The following GLIS3 variants were observed in gnomAD, a reference collection of about 807,000 sequenced individuals.
GLIS3 encodes the protein zinc finger protein GLIS3.
Under a neutral mutation model 78.6 loss-of-function variants are expected in GLIS3, and 53 were observed. The observed-to-expected ratio is 0.67, with a 90% CI of 0.54 to 0.85. The LOEUF (loss-of-function observed/expected upper bound fraction) is 0.85, where lower values mean the gene tolerates loss of function less well. Among genes scored for constraint, GLIS3 ranks in the 40% least tolerant of loss-of-function variants. The probability of loss-of-function intolerance (pLI) is 0.00; values close to 1 mark genes in which losing one functional copy is unlikely to be tolerated. For synonymous variants in GLIS3, 684 were observed against 509.9 expected (o/e 1.34, Z -4.60); for missense variants, 1,703 against 1,231.1 (o/e 1.38, Z -5.74).
intron 4 of GLIS3, among the ~76,000 whole-genome samples, chr9:3,974,300 C>T (rs553791663): frequency 2.6e-5 from 4 of 152,206 alleles, no homozygotes; most frequent in African/African-American, 9.6e-5. Flanking sequence ...TAGTTTTACC[C>T]TTTTCCTTCT....
chr9:4,058,569 A>T (rs779463510), intron 4 of GLIS3, among the ~76,000 whole-genome samples: 1 of 152,138 alleles, frequency 6.6e-6, no homozygotes, highest in Non-Finnish European at 1.5e-5. Context: ...CCTGCCTAAT[A>T]ATTCCAAAAT....
chr9:4,401,718 A>G, the GLIS3 span, among the ~76,000 whole-genome samples: 5 of 151,784 alleles, frequency 3.3e-5, no homozygotes, highest in African/African-American at 1.2e-4. Flanking sequence ...CAGCCTCCCA[A>G]GTAGCTGGGA....
chr9:4,157,805 C>T (rs1319811003), intron 2 of GLIS3, among the ~76,000 whole-genome samples: 2 of 152,210 alleles, frequency 1.3e-5, no homozygotes, highest in African/African-American at 4.8e-5. Flanking sequence ...ACACAGTCCA[C>T]ATCACGTATG....
At chr9:4,230,670 T>C (rs913463200) in intron 2 of GLIS3, among the ~76,000 whole-genome samples, 3 of 152,204 alleles carry the variant, frequency 2.0e-5, no homozygotes, top group Admixed American at 6.5e-5. Context: ...TACCTAATTA[T>C]GGACTGCGCA....
intron 8 of GLIS3, among the ~76,000 whole-genome samples, chr9:3,868,732 A>G (rs1686043941): frequency 6.6e-6 from 1 of 152,166 alleles, no homozygotes; most frequent in Admixed American, 6.5e-5. Context: ...TTAAAGCCCA[A>G]ACCCCTAAAT....
At chr9:4,487,082 C>T in the GLIS3 span, among the ~76,000 whole-genome samples, 5 of 152,248 alleles carry the variant, frequency 3.3e-5, no homozygotes, top group African/African-American at 9.6e-5. Context: ...TTGTCATATT[C>T]TCCACCTACT....
At chr9:4,170,962 T>C (rs941632263) in intron 2 of GLIS3, among the ~76,000 whole-genome samples, 4 of 152,170 alleles carry the variant, frequency 2.6e-5, no homozygotes, top group African/African-American at 9.7e-5. Context: ...TAAAAAATCA[T>C]ATACTTAGAA....
At chr9:4,100,029 C>G (rs981819687) in intron 4 of GLIS3, among the ~76,000 whole-genome samples, 9 of 152,202 alleles carry the variant, frequency 5.9e-5, no homozygotes, top group Admixed American at 4.6e-4. Flanking sequence ...GCCTCCCATA[C>G]TGGATTTTGT....
At chr9:4,284,345 C>G (rs1433189318) in intron 2 of GLIS3, among the ~76,000 whole-genome samples, 1 of 152,114 alleles carries the variant, frequency 6.6e-6, no homozygotes, top group African/African-American at 2.4e-5. Flanking sequence ...ATTGCAAACA[C>G]AAGTACATAT....
the GLIS3 span, among the ~76,000 whole-genome samples, chr9:4,369,230 C>T: frequency 6.6e-6 from 1 of 152,046 alleles, no homozygotes. Context: ...CTAGATCTTC[C>T]GAAGAAGTGT....
At chr9:4,156,454 A>G (rs1835047647) in intron 2 of GLIS3, among the ~76,000 whole-genome samples, 1 of 152,222 alleles carries the variant, frequency 6.6e-6, no homozygotes, top group Non-Finnish European at 1.5e-5. Flanking sequence ...TGCCAGCTGT[A>G]TAACAATTCC....
At chr9:4,023,501 G>A (rs184936833) in intron 4 of GLIS3, among the ~76,000 whole-genome samples, 9 of 152,270 alleles carry the variant, frequency 5.9e-5, no homozygotes, top group East Asian at 5.8e-4. Flanking sequence ...AACTCCAGAC[G>A]GTGGGTGAAA....
At chr9:4,470,718 A>G in the GLIS3 span, among the ~76,000 whole-genome samples, 8 of 151,550 alleles carry the variant, frequency 5.3e-5, no homozygotes, top group Admixed American at 2.0e-4. Context: ...CTCTCTCACC[A>G]CTCCTATTCA....
chr9:4,209,912 C>A (rs146188463), intron 2 of GLIS3, among the ~76,000 whole-genome samples: 3 of 152,054 alleles, frequency 2.0e-5, no homozygotes, highest in Admixed American at 6.5e-5. Flanking sequence ...CAAAGAGGAT[C>A]TGTGTACAAA....
the GLIS3 span, among the ~76,000 whole-genome samples, chr9:4,371,228 G>A: frequency 6.6e-6 from 1 of 152,196 alleles, no homozygotes; most frequent in East Asian, 1.9e-4. Flanking sequence ...GGCTGATTCA[G>A]CGCTTGCTCA....
At chr9:3,968,275 G>A (rs966902353) in intron 4 of GLIS3, among the ~76,000 whole-genome samples, 2 of 152,188 alleles carry the variant, frequency 1.3e-5, no homozygotes, top group African/African-American at 4.8e-5. Flanking sequence ...AACTGAATGG[G>A]ACAGTGGAGA....
chr9:4,481,266 C>T, the GLIS3 span, among the ~76,000 whole-genome samples: 2 of 152,090 alleles, frequency 1.3e-5, no homozygotes, highest in Admixed American at 6.5e-5. Flanking sequence ...GGCGGATCAC[C>T]TGGGGTCAGG....
intron 2 of GLIS3, among the ~76,000 whole-genome samples, chr9:4,338,155 TG>T (rs1817781286): frequency 6.6e-6 from 1 of 152,082 alleles, no homozygotes; most frequent in South Asian, 2.1e-4. Context: ...TCGCTTCTCC[TG>T]ACTAGACAAG....
At chr9:3,907,655 C>CACACACACA (rs758113264) in intron 6 of GLIS3, among the ~76,000 whole-genome samples, 90 of 146,342 alleles carry the variant, frequency 6.1e-4, no homozygotes, top group Middle Eastern at 3.4e-3. Flanking sequence ...CACACACACA[C>CACACACACA]TACTAAACAG....
Sources: allele counts gnomAD v4.1 joint callset (sites outside exome capture counted in the v4.1 genomes callset), GRCh38; gene constraint gnomAD v4.1.1; transcripts MANE v1.5; gene names NCBI Gene and HGNC (gene_info 2026-07-23, HGNC 2026-07-21).